The following ATF3 variants were observed in gnomAD, a reference collection of about 807,000 sequenced individuals.
ATF3 encodes the protein activating transcription factor 3.
A neutral mutation model predicts 18.4 loss-of-function variants in ATF3; 10 were observed. The observed-to-expected ratio is 0.54, with a 90% CI of 0.34 to 0.92. The LOEUF (loss-of-function observed/expected upper bound fraction) is 0.92. ATF3 is among the 40% of genes least tolerant of loss of function. The pLI is 0.02. For missense variants in ATF3, 183 were observed against 222.3 expected (o/e 0.82, Z 1.12); for synonymous variants, 78 against 87.9 (o/e 0.89, Z 0.63).
In ATF3 at chr1:212,574,642, A is replaced by G. The variant is rs114577909; in HGVS notation, c.-5+9159A>G. ...TCTTCCTATATATTGTTTTTTCTCA[A>G]GGTTGCAAAGTTTTGCCTTTCACAT... is the stretch of plus-strand genomic sequence containing the variant. On this transcript the variant is annotated intron_variant, in intron 1 of 3. Transcript: ENST00000366981. 5.2e-3 allele frequency among the ~76,000 whole-genome samples: 793 copies of G among 152,048 alleles called. 7 individuals carry two copies. Among genetic ancestry groups the G allele is most frequent in the African/African-American group, 0.018 (766 of 41,496 alleles).
At position 212,618,478 on chromosome 1, in the gene ATF3, G is replaced by T; in HGVS notation, c.348+244G>T. 1.9e-6 allele frequency: 1 copy of T among 528,006 alleles called. No individual in the cohort carries two copies. The allele number at this position is 528,006 out of a possible 1,614,324, so 32.7% of individuals were successfully genotyped here. ...TTCGTCTGATGCCTGACTCCCAGCA[G>T]CCTCGGCCGGTTCATACATGTCCAT... On this transcript the variant is annotated intron_variant, in intron 3 of 3. Coordinates refer to ENST00000341491, the MANE Select transcript of ATF3 (RefSeq NM_001674.4). The surrounding 1 kb of genome is among the most constrained non-coding windows in gnomAD (Gnocchi z 4.4).
chr1:212,572,029 C>T (rs1558223612), intron 1 of ATF3, among the ~76,000 whole-genome samples: 1 of 152,172 alleles, frequency 6.6e-6, no homozygotes, highest in Non-Finnish European at 1.5e-5. Context: ...CTTTTATTCT[C>T]TGCTAATTTG....
In ATF3 at chr1:212,619,655, A is replaced by G; in HGVS notation, c.*100A>G. On this transcript the variant is annotated 3_prime_UTR_variant, in exon 4 of 4. Coordinates refer to ENST00000341491, the MANE Select transcript of ATF3 (RefSeq NM_001674.4). The surrounding 1 kb of genome is among the most constrained non-coding windows in gnomAD (Gnocchi z 4.4). ...GAGAGCTGTCTTCCTGTGTACCTCT[A>G]GAATCCCAGCAGCAGAGAACCATCA... 1 of 1,493,640 alleles carries G rather than the reference A, an allele frequency of 6.7e-7. No individual in the cohort carries two copies. The highest frequency in any genetic ancestry group is 9.1e-7 in the Non-Finnish European group (1 of 1,096,526). 92.5% of individuals were successfully genotyped at this position (1,493,640 alleles called of 1,614,324 possible).
intron 1 of ATF3, among the ~76,000 whole-genome samples, chr1:212,594,310 C>A (rs1664948542): frequency 6.6e-6 from 1 of 152,146 alleles, no homozygotes. Flanking sequence ...TGTTTTATTG[C>A]AACTTTCTAG....
intron 1 of ATF3, chr1:212,613,891 C>A (rs1558239445): frequency 6.6e-6 from 1 of 152,184 alleles, no homozygotes; most frequent in Non-Finnish European, 1.5e-5. Flanking sequence ...TTTGGGTTCA[C>A]CGAGCTATAG....
At chr1:212,578,800 T>C (rs1033739631) in intron 1 of ATF3, among the ~76,000 whole-genome samples, 1 of 152,092 alleles carries the variant, frequency 6.6e-6, no homozygotes, top group Non-Finnish European at 1.5e-5. Flanking sequence ...TTCTCCACTA[T>C]TGCAGTGGTC....
Position 212,571,758 on chromosome 1 carries a change from C to T in ATF3, c.-5+6275C>T, listed in dbSNP as rs1280803383. 9.1e-5 allele frequency among the ~76,000 whole-genome samples: 13 copies of T among 142,906 alleles called. No individual in the cohort carries two copies. In the Admixed American group the frequency reaches 9.4e-4, roughly 10 times the overall value. The allele number at this position is 142,906 out of a possible 152,430, so 93.8% of individuals were successfully genotyped here. A position where few individuals can be genotyped will look rare whatever the true frequency, so the allele number is the denominator to read the frequency against. On this transcript the variant is annotated intron_variant, in intron 1 of 3. Coordinates refer to the ATF3 transcript ENST00000366981. The stretch of plus-strand genomic sequence containing the variant: ...ACGGAGTCTGGCTCTGTCGCCCAGG[C>T]TGGAGTGCAGTGGTGCAATCTCGGC...
intron 1 of ATF3, among the ~76,000 whole-genome samples, chr1:212,575,868 A>G (rs1365617995): frequency 6.6e-6 from 1 of 152,186 alleles, no homozygotes; most frequent in Non-Finnish European, 1.5e-5. Flanking sequence ...TTGAGATGAA[A>G]TTCCACTTGG....
At chr1:212,611,962 T>C (rs185409951) in intron 1 of ATF3, among the ~76,000 whole-genome samples, 102 of 152,336 alleles carry the variant, frequency 6.7e-4, no homozygotes, top group African/African-American at 2.3e-3. Flanking sequence ...ATGACCGGGA[T>C]GTTTGAGGAT....
At chr1:212,609,380 G>GC (rs1238551598) in intron 1 of ATF3, among the ~76,000 whole-genome samples, 1 of 89,546 alleles carries the variant, frequency 1.1e-5, no homozygotes, top group Non-Finnish European at 2.3e-5. Context: ...CCGGGTGGGG[G>GC]GGGGGGGGCG....
chr1:212,606,768 C>T (rs1420673236), upstream of ATF3, among the ~76,000 whole-genome samples: 1 of 152,200 alleles, frequency 6.6e-6, no homozygotes, highest in Non-Finnish European at 1.5e-5. Flanking sequence ...GTAGAGATAA[C>T]AAATAACTTC....
chr1:212,606,856 C>A (rs929260124), upstream of ATF3, among the ~76,000 whole-genome samples: 2 of 152,238 alleles, frequency 1.3e-5, no homozygotes, highest in Non-Finnish European at 2.9e-5. Context: ...GGTTTACCTG[C>A]GCGCACTCCA....
chr1:212,575,798 G>C (rs778817638), intron 1 of ATF3, among the ~76,000 whole-genome samples: 2 of 152,000 alleles, frequency 1.3e-5, no homozygotes, highest in Admixed American at 6.6e-5. Context: ...AAGGAAAAAG[G>C]CCTTTCTTTT....
chr1:212,570,609 C>T (rs959116159), intron 1 of ATF3, among the ~76,000 whole-genome samples: 2 of 152,202 alleles, frequency 1.3e-5, no homozygotes, highest in Non-Finnish European at 2.9e-5. Context: ...CTCGTGTTCT[C>T]TCCCAGCTGG....
rs533293245 is a variant in ATF3, at chr1:212,618,598, A to G, written c.348+364A>G. On this transcript the variant is annotated intron_variant, in intron 3 of 3. Coordinates refer to ENST00000341491, the MANE Select transcript of ATF3 (RefSeq NM_001674.4). The surrounding 1 kb of genome is among the most constrained non-coding windows in gnomAD (Gnocchi z 4.4). ...GAAGCTGCCAGCTCTCATTTGGCTC[A>G]CTATGAAAAGCCTTTAATTAATCTC... 4 of 395,256 alleles carry G rather than the reference A, an allele frequency of 1.0e-5. No individual in the cohort carries two copies. Among genetic ancestry groups the G allele is most frequent in the African/African-American group, 4.1e-5 (2 of 49,120 alleles). The allele number at this position is 395,256 out of a possible 1,614,324, so 24.5% of individuals were successfully genotyped here.
intron 1 of ATF3, among the ~76,000 whole-genome samples, chr1:212,578,405 G>A (rs1383225744): frequency 2.0e-5 from 3 of 152,116 alleles, no homozygotes; most frequent in Non-Finnish European, 4.4e-5. Flanking sequence ...TATTTATAGT[G>A]TACAATATGA....
At chr1:212,612,680 TTAC>T (rs1192556761) in intron 1 of ATF3, among the ~76,000 whole-genome samples, 1 of 152,232 alleles carries the variant, frequency 6.6e-6, no homozygotes, top group Non-Finnish European at 1.5e-5. Flanking sequence ...GGGAAAAGAA[TTAC>T]ATACATAGCC....
At chr1:212,589,678 C>G (rs546076039) in intron 1 of ATF3, among the ~76,000 whole-genome samples, 3 of 134,844 alleles carry the variant, frequency 2.2e-5, no homozygotes, top group African/African-American at 5.9e-5. Context: ...AGTGAGACAC[C>G]GTCTCAAAAA....
At chr1:212,580,259 A>G (rs975635960) in intron 1 of ATF3, among the ~76,000 whole-genome samples, 2 of 152,242 alleles carry the variant, frequency 1.3e-5, no homozygotes, top group Non-Finnish European at 1.5e-5. Flanking sequence ...CTTCTTCTCT[A>G]CAGAGTGTGA....
Sources: allele counts gnomAD v4.1 joint callset (sites outside exome capture counted in the v4.1 genomes callset), GRCh38; gene constraint gnomAD v4.1.1; non-coding constraint Gnocchi (gnomAD v3.1); transcripts MANE v1.5; gene names NCBI Gene and HGNC (gene_info 2026-07-23, HGNC 2026-07-21).